CEP83: variants seen among roughly 807,000 people sequenced by gnomAD.
The protein encoded by CEP83 is centrosomal protein 83, also known as centrosomal protein of 83 kDa.
Under a neutral mutation model 101.9 loss-of-function variants are expected in CEP83, and 70 were observed. That is an observed-to-expected ratio of 0.69 (90% confidence interval 0.57 to 0.84). CEP83 has a LOEUF of 0.84. Among genes scored for constraint, CEP83 ranks in the 40% least tolerant of loss-of-function variants. The probability of loss-of-function intolerance (pLI) is 0.00; values close to 1 mark genes in which losing one functional copy is unlikely to be tolerated. For missense variants in CEP83, 715 were observed against 787.2 expected (o/e 0.91, Z 1.10); for synonymous variants, 264 against 267.9 (o/e 0.99, Z 0.14).
At chr12:94,336,120 T>C (rs2059437986) in intron 11 of CEP83, among the ~76,000 whole-genome samples, 1 of 152,180 alleles carries the variant, frequency 6.6e-6, no homozygotes, top group African/African-American at 2.4e-5. Context: ...TTCATTTTCC[T>C]TCTAACAAGG....
rs757044528 is a variant in CEP83, at chr12:94,308,254, T to TG, written c.*558dup. The TG allele has an allele frequency of 1.3e-5, 2 of 152,330 alleles. No homozygotes were observed. The highest frequency in any genetic ancestry group is 2.1e-4 in the South Asian group (1 of 4,838). 9.4% of individuals were successfully genotyped at this position (152,330 alleles called of 1,614,324 possible). A position where few individuals can be genotyped will look rare whatever the true frequency, so the allele number is the denominator to read the frequency against. ...GTCATATTGCTAAATATATGCTATA[T>TG]GGTTGATGTAAAATTAAACACACGA... is the stretch of plus-strand genomic sequence containing the variant. On this transcript the variant is annotated 3_prime_UTR_variant, in exon 17 of 17. Coordinates refer to ENST00000397809, the MANE Select transcript of CEP83 (RefSeq NM_016122.3).
the CEP83 span, among the ~76,000 whole-genome samples, chr12:94,275,650 G>A: frequency 5.6e-5 from 5 of 88,894 alleles, 1 homozygote; most frequent in Admixed American, 3.8e-4. Context: ...TCAGGAGATC[G>A]AGACCATCCC....
intron 11 of CEP83, among the ~76,000 whole-genome samples, chr12:94,360,749 A>T (rs1308570399): frequency 6.6e-6 from 1 of 152,152 alleles, no homozygotes; most frequent in Admixed American, 6.5e-5. Context: ...TTGAAAAAAA[A>T]AATCTTAAAA....
At chr12:94,378,570 A>C (rs1566030763) in intron 7 of CEP83, among the ~76,000 whole-genome samples, 1 of 152,122 alleles carries the variant, frequency 6.6e-6, no homozygotes, top group Non-Finnish European at 1.5e-5. Context: ...AGGTGACTTG[A>C]CTCCCAAAGA....
intron 6 of CEP83, among the ~76,000 whole-genome samples, chr12:94,381,012 A>G (rs2061820388): frequency 6.6e-6 from 1 of 152,086 alleles, no homozygotes; most frequent in Admixed American, 6.6e-5. Context: ...CTGCCATCTA[A>G]TTTTGCTATT....
At chr12:94,371,064 A>G (rs1033357698) in intron 8 of CEP83, among the ~76,000 whole-genome samples, 1 of 152,232 alleles carries the variant, frequency 6.6e-6, no homozygotes, top group African/African-American at 2.4e-5. Flanking sequence ...GGAACAGCAT[A>G]CAAAATGTTA....
the CEP83 span, among the ~76,000 whole-genome samples, chr12:94,286,231 G>C: frequency 6.6e-6 from 1 of 152,278 alleles, no homozygotes; most frequent in South Asian, 2.1e-4. Flanking sequence ...GGACATGAAG[G>C]CTTAAAGGAT....
At chr12:94,358,894 A>G (rs2060608329) in intron 11 of CEP83, among the ~76,000 whole-genome samples, 1 of 152,244 alleles carries the variant, frequency 6.6e-6, no homozygotes, top group South Asian at 2.1e-4. Flanking sequence ...GCAGCAATGT[A>G]ACATGTCCAT....
At chr12:94,395,505 C>T (rs895637718) in intron 6 of CEP83, among the ~76,000 whole-genome samples, 3 of 151,978 alleles carry the variant, frequency 2.0e-5, no homozygotes, top group Admixed American at 1.3e-4. Context: ...GAAAATATCA[C>T]TTAAATTACT....
chr12:94,288,895 AGT>A, the CEP83 span, among the ~76,000 whole-genome samples: 377 of 152,356 alleles, frequency 2.5e-3, 1 homozygote, highest in African/African-American at 8.2e-3. Flanking sequence ...GTTTCTGTGT[AGT>A]GATTTGATTC....
At chr12:94,369,838 A>C (rs1377378768) in intron 9 of CEP83, 84 bp downstream of exon 9, 1 of 749,826 alleles carries the variant, frequency 1.3e-6, no homozygotes, top group South Asian at 1.9e-5. Flanking sequence ...TGGAAATAAA[A>C]ATTCAGATTC....
At chr12:94,451,717 G>A (rs2067268493) in intron 1 of CEP83, among the ~76,000 whole-genome samples, 2 of 152,106 alleles carry the variant, frequency 1.3e-5, no homozygotes, top group Non-Finnish European at 2.9e-5. Flanking sequence ...AATTGGTACA[G>A]CTACTTTGGA....
intron 2 of CEP83, among the ~76,000 whole-genome samples, chr12:94,432,893 C>CA (rs1206051553): frequency 1.3e-5 from 2 of 151,954 alleles, no homozygotes; most frequent in South Asian, 2.1e-4. Context: ...AGAGGAACTT[C>CA]AAAAAAATTA....
chr12:94,445,369 A>C (rs1352827644), intron 1 of CEP83, among the ~76,000 whole-genome samples: 1 of 152,132 alleles, frequency 6.6e-6, no homozygotes, highest in African/African-American at 2.4e-5. Flanking sequence ...TTAAAAACCT[A>C]AACTATAAAC....
At chr12:94,328,658 T>C (rs1192767922) in intron 14 of CEP83, among the ~76,000 whole-genome samples, 1 of 152,146 alleles carries the variant, frequency 6.6e-6, no homozygotes, top group African/African-American at 2.4e-5. Context: ...TTAACTTGAA[T>C]GGGAAAAGGG....
chr12:94,297,269 A>G, the CEP83 span: 2 of 1,613,204 alleles, frequency 1.2e-6, no homozygotes, highest in East Asian at 4.5e-5. Flanking sequence ...TGCCTTCTGT[A>G]GCAAGAGTGG....
chr12:94,294,204 C>T, the CEP83 span, among the ~76,000 whole-genome samples: 1,318 of 152,266 alleles, frequency 8.7e-3, 22 homozygotes, highest in African/African-American at 0.031. Flanking sequence ...CCCATCTGTC[C>T]CACAGGGTCC....
At chr12:94,421,781 G>A (rs2064772325) in intron 2 of CEP83, among the ~76,000 whole-genome samples, 1 of 152,134 alleles carries the variant, frequency 6.6e-6, no homozygotes, top group Non-Finnish European at 1.5e-5. Flanking sequence ...TTGCTTGTAG[G>A]CTACAAACCT....
chr12:94,354,046 G>A (rs1389822452), intron 11 of CEP83, among the ~76,000 whole-genome samples: 2 of 152,140 alleles, frequency 1.3e-5, no homozygotes, highest in African/African-American at 2.4e-5. Context: ...AATAATAGTA[G>A]AGGATTTCAA....
Sources: gnomAD v4.1 joint callset for allele counts (sites outside exome capture counted in the v4.1 genomes callset) on GRCh38, gnomAD v4.1.1 for gene constraint, MANE v1.5 for transcripts, NCBI Gene and HGNC (gene_info 2026-07-23, HGNC 2026-07-21) for gene names.